The following TDRD5 variants were observed in gnomAD, a reference collection of about 807,000 sequenced individuals.
TDRD5 encodes the protein tudor domain containing 5.
Under a neutral mutation model 120.6 loss-of-function variants are expected in TDRD5, and 41 were observed. The ratio of observed to expected loss-of-function variants is 0.34; its 90% CI spans 0.26 to 0.44. The LOEUF is 0.44. Ranked by LOEUF, TDRD5 falls within the 20% of genes least tolerant of loss-of-function variation. TDRD5 has a pLI of 1.00. For missense variants in TDRD5, 1,006 were observed against 1,221.2 expected, an observed-to-expected ratio of 0.82 and a Z score of 2.63; for synonymous variants, 430 against 433.7, an observed-to-expected ratio of 0.99 and a Z score of 0.11.
At chr1:179,643,572 T>C (rs1678167740) in intron 11 of TDRD5, among the ~76,000 whole-genome samples, 1 of 152,214 alleles carries the variant, frequency 6.6e-6, no homozygotes, top group Non-Finnish European at 1.5e-5. Context: ...AGTTTCAGCA[T>C]AGGCTTAATA....
At chr1:179,598,949 A>T (rs1189616504) in intron 4 of TDRD5, among the ~76,000 whole-genome samples, 1 of 152,084 alleles carries the variant, frequency 6.6e-6, no homozygotes, top group African/African-American at 2.4e-5. Context: ...CTTGTTCCTA[A>T]CTATATGGGG....
intron 15 of TDRD5, among the ~76,000 whole-genome samples, chr1:179,663,099 A>G (rs1311678704): frequency 6.6e-6 from 1 of 152,250 alleles, no homozygotes; most frequent in Non-Finnish European, 1.5e-5. Context: ...TCATCTAGCC[A>G]TGAAAAAGAT....
chr1:179,645,515 T>C (rs954295624), intron 11 of TDRD5, among the ~76,000 whole-genome samples: 2 of 152,238 alleles, frequency 1.3e-5, no homozygotes, highest in African/African-American at 4.8e-5. Flanking sequence ...TCCAGTATAG[T>C]GTCACTTTTT....
chr1:179,662,323 G>A (rs572952280), intron 15 of TDRD5, 37 bp downstream of exon 15: 53 of 1,583,760 alleles, frequency 3.3e-5, no homozygotes, highest in African/African-American at 9.6e-5. Flanking sequence ...AAATCAGGCC[G>A]GGCACTGCGG....
chr1:179,678,170 C>A (rs1212759847), intron 17 of TDRD5, among the ~76,000 whole-genome samples: 1 of 152,098 alleles, frequency 6.6e-6, no homozygotes, highest in African/African-American at 2.4e-5. Context: ...TACAGGTTGC[C>A]AGGGAAGTGG....
chr1:179,667,325 TAAATC>T (rs1374279324), intron 16 of TDRD5, among the ~76,000 whole-genome samples: 1 of 152,244 alleles, frequency 6.6e-6, no homozygotes, highest in Non-Finnish European at 1.5e-5. Flanking sequence ...GCATCTTTCT[TAAATC>T]ATATTTGTCA....
At chr1:179,623,625 C>CTTTTTTTTTTT (rs11428251) in intron 6 of TDRD5, among the ~76,000 whole-genome samples, 3 of 97,904 alleles carry the variant, frequency 3.1e-5, no homozygotes, top group Non-Finnish European at 5.7e-5. Context: ...CCAACTCATT[C>CTTTTTTTTTTT]TTTTTTTTTT....
chr1:179,604,890 C>T (rs1393217391), intron 4 of TDRD5, among the ~76,000 whole-genome samples: 1 of 151,980 alleles, frequency 6.6e-6, no homozygotes. Context: ...CTGTTAAGTC[C>T]ATTTGTTCCT....
chr1:179,674,100 G>A (rs10913857), intron 17 of TDRD5, among the ~76,000 whole-genome samples: 51,719 of 152,048 alleles, frequency 0.34, 8,998 homozygotes, highest in Admixed American at 0.42. Flanking sequence ...TAGAAGTGGT[G>A]AAAGTGGGCA....
At chr1:179,624,394 C>T (rs952726197) in intron 6 of TDRD5, among the ~76,000 whole-genome samples, 1 of 152,148 alleles carries the variant, frequency 6.6e-6, no homozygotes, top group Non-Finnish European at 1.5e-5. Flanking sequence ...TCCAGTCATA[C>T]TGCTTCTATT....
At chr1:179,598,506 A>G (rs1572326347) in intron 4 of TDRD5, among the ~76,000 whole-genome samples, 1 of 152,180 alleles carries the variant, frequency 6.6e-6, no homozygotes, top group South Asian at 2.1e-4. Flanking sequence ...AAAGCATGGT[A>G]TATCTTCATT....
intron 8 of TDRD5, 81 bp from the exon 9 acceptor site, chr1:179,635,586 C>A (rs1030373287): frequency 7.9e-7 from 1 of 1,258,658 alleles, no homozygotes; most frequent in Non-Finnish European, 1.1e-6. Flanking sequence ...AAAGGTGATT[C>A]ATGAAATGTG....
At chr1:179,621,115 C>A in intron 6 of TDRD5, 24 bp downstream of exon 6, 1 of 1,578,230 alleles carries the variant, frequency 6.3e-7, no homozygotes, top group Non-Finnish European at 8.6e-7. Flanking sequence ...TTTTCCCCAA[C>A]CCTAATTTTT....
chr1:179,660,066 T>C (rs1271266608), intron 14 of TDRD5, among the ~76,000 whole-genome samples: 1 of 152,144 alleles, frequency 6.6e-6, no homozygotes, highest in African/African-American at 2.4e-5. Flanking sequence ...TATTTATGTT[T>C]AATGTGATTA....
Position 179,690,855 on chromosome 1 carries a change from C to T in TDRD5, c.3020C>T (p.Ala1007Val). The T allele has an allele frequency of 6.2e-7, 1 of 1,614,188 alleles. No homozygotes were observed. Among genetic ancestry groups the T allele is most frequent in the South Asian group, 1.1e-5 (1 of 91,086 alleles). ...AAGCTCTACATTCCTCGAAGTACAG[C>T]CACTGCTGCCTTAGGTGCTGCCGCA... The part of the protein sequence containing the change: ...SQKLYIPRST[A>V]TAALGAAARL... The change falls in exon 18 of 18, where the codon GCC becomes GTC. Residue 1007 changes from alanine (A) to valine (V), a missense_variant. By Grantham distance (64) the Ala-to-Val change is moderately conservative. Transcript: ENST00000444136.
Position 179,593,522 on chromosome 1 carries a change from A to G in TDRD5, c.295A>G (p.Lys99Glu). ...AGTTGCAAAACAGAGGAGCAGCCATAAGCTTCGAAACTCAATGCATAAGGG... is the reference window on the plus strand; with the variant it reads ...AGTTGCAAAACAGAGGAGCAGCCATGAGCTTCGAAACTCAATGCATAAGGG... ...SLVAKQRSSH[K>E]LRNSMHKGRP... Residue 99 changes from lysine (K) to glutamate (E), a missense_variant, in exon 3 of 18, where the codon AAG becomes GAG. Physicochemically the swap from Lys to Glu is moderately conservative, Grantham distance 56 (BLOSUM62 1). This residue lies in a region of TDRD5 where 445 missense variants were observed against 515.5 expected (regional missense o/e 0.86). Coordinates refer to ENST00000444136, the MANE Select transcript of TDRD5 (RefSeq NM_001199085.3). The G allele has an allele frequency of 6.2e-7, 1 of 1,614,208 alleles. No homozygotes were observed. Among genetic ancestry groups the G allele is most frequent in the Non-Finnish European group, 8.5e-7 (1 of 1,180,028 alleles).
chr1:179,624,648 T>C (rs1440893415), intron 6 of TDRD5, among the ~76,000 whole-genome samples: 1 of 152,192 alleles, frequency 6.6e-6, no homozygotes, highest in African/African-American at 2.4e-5. Context: ...ATTCTGTTTA[T>C]TATATCGTCA....
rs1335838365 is a variant in TDRD5, at chr1:179,654,214, A to G, written c.2174A>G (p.Asp725Gly). The change falls in exon 14 of 18, where the codon GAT (aspartate) becomes GGT (glycine). Residue 725 changes from aspartate (D) to glycine (G), a missense_variant. By Grantham distance (94) the Asp-to-Gly change is moderately conservative. Around this residue, in one of 3 missense-constraint regions of TDRD5, gnomAD observed 403 missense variants for 448.1 expected, o/e 0.90. Transcript: ENST00000444136. Reference sequence around the variant, plus strand: ...CATATCTACTAGCAAGATATTAATGATGAAAAGTCTTTAAGTCATCTTAAA... The same window carrying G: ...CATATCTACTAGCAAGATATTAATGGTGAAAAGTCTTTAAGTCATCTTAAA... ...SELRILQDIN[D>G]EKSLSHLKSE... 20 of 1,535,424 alleles carry G rather than the reference A, an allele frequency of 1.3e-5. No individual in the cohort carries two copies. The highest frequency in any genetic ancestry group is 1.3e-5 in the Non-Finnish European group (15 of 1,140,376).
At chr1:179,689,892 G>A (rs1336021125) in intron 17 of TDRD5, among the ~76,000 whole-genome samples, 3 of 152,180 alleles carry the variant, frequency 2.0e-5, no homozygotes, top group East Asian at 1.9e-4. Flanking sequence ...CATTTGCTAC[G>A]AGTGTTGGAA....
Sources: gnomAD v4.1 joint callset for allele counts (sites outside exome capture counted in the v4.1 genomes callset) on GRCh38, gnomAD v4.1.1 for gene constraint, gnomAD v4.1.1 regional missense constraint, MANE v1.5 for transcripts, NCBI Gene and HGNC (gene_info 2026-07-23, HGNC 2026-07-21) for gene names.